ELOVL5: variants seen among roughly 807,000 people sequenced by gnomAD.
ELOVL5 encodes very long chain fatty acid elongase 5.
A neutral mutation model predicts 38.6 loss-of-function variants in ELOVL5; 8 were observed. The observed-to-expected ratio is 0.21, with a 90% CI of 0.12 to 0.37. The LOEUF (loss-of-function observed/expected upper bound fraction) is 0.37. Ranked by LOEUF, ELOVL5 falls within the 10% of genes least tolerant of loss-of-function variation. The pLI is 1.00. For missense variants in ELOVL5, 280 were observed against 367.8 expected, an observed-to-expected ratio of 0.76 and a Z score of 1.95; for synonymous variants, 127 against 133.7, an observed-to-expected ratio of 0.95 and a Z score of 0.34.
chr6:53,276,359 T>C (rs781385850), intron 3 of ELOVL5, 103 bp from the exon 4 acceptor site: 68 of 767,070 alleles, frequency 8.9e-5, no homozygotes, highest in Non-Finnish European at 1.3e-4. Flanking sequence ...CCTTGGGCTG[T>C]GCTGAGCCAA....
intron 6 of ELOVL5, 75 bp from the exon 7 acceptor site, chr6:53,270,802 C>T: frequency 1.3e-6 from 2 of 1,556,638 alleles, no homozygotes; most frequent in Non-Finnish European, 1.7e-6. Context: ...GACTTTTTAA[C>T]CAGCATCACC....
chr6:53,278,171 T>C (rs373552171), intron 3 of ELOVL5, among the ~76,000 whole-genome samples: 57 of 152,340 alleles, frequency 3.7e-4, no homozygotes, highest in African/African-American at 1.3e-3. Flanking sequence ...ATCACTGTTT[T>C]TTCCAGCGAC....
intron 1 of ELOVL5, among the ~76,000 whole-genome samples, chr6:53,320,944 G>A (rs1050636302): frequency 7.2e-5 from 11 of 152,046 alleles, no homozygotes; most frequent in African/African-American, 2.4e-4. Context: ...TTGCAGTAAG[G>A]TGGCCAGAAG....
intron 1 of ELOVL5, among the ~76,000 whole-genome samples, chr6:53,324,252 CAAAAAAAAAAAAAAAAA>C (rs59453946): frequency 9.1e-6 from 1 of 110,370 alleles, no homozygotes; most frequent in African/African-American, 3.4e-5. Flanking sequence ...GACTCTACCT[CAAAAAAAAAAAAAAAAA>C]AAAAAAGAAA....
At chr6:53,293,634 C>T (rs996904664) in intron 2 of ELOVL5, among the ~76,000 whole-genome samples, 2 of 152,056 alleles carry the variant, frequency 1.3e-5, no homozygotes, top group African/African-American at 2.4e-5. Flanking sequence ...TTTCTTTGAC[C>T]CCTCCCAGAC....
chr6:53,314,020 G>A (rs1767943220), intron 1 of ELOVL5, among the ~76,000 whole-genome samples: 1 of 152,198 alleles, frequency 6.6e-6, no homozygotes, highest in South Asian at 2.1e-4. Context: ...TATCCAGCAA[G>A]ATTAGATCTC....
Position 53,276,265 on chromosome 6 carries a change from G to A in ELOVL5, c.247-9C>T. 6.3e-7 allele frequency: 1 copy of A among 1,594,808 alleles called. No homozygotes were observed. Among genetic ancestry groups the A allele is most frequent in the South Asian group, 1.1e-5 (1 of 90,634 alleles). On this transcript the variant is annotated splice_polypyrimidine_tract_variant and intron_variant, in intron 3 of 7. Coordinates refer to ENST00000304434, the MANE Select transcript of ELOVL5 (RefSeq NM_021814.5). ...CATACTCCTGTTACTAACTAAAAAA[G>A]AAGAAAGAGCCAGTCACCAACAGCA...
At chr6:53,331,799 C>T (rs1040693356) in intron 1 of ELOVL5, among the ~76,000 whole-genome samples, 6 of 152,002 alleles carry the variant, frequency 3.9e-5, no homozygotes, top group African/African-American at 1.2e-4. Context: ...TGTATTAGTC[C>T]GTTTGGTGTT....
chr6:53,324,672 CAAAA>C (rs200304234), intron 1 of ELOVL5, among the ~76,000 whole-genome samples: 42,667 of 80,252 alleles, frequency 0.53, 9,112 homozygotes, highest in East Asian at 0.69. Flanking sequence ...GAGATCCTGT[CAAAA>C]AAAAAAAAAA....
At chr6:53,275,054 A>G in intron 5 of ELOVL5, 36 bp downstream of exon 5, 4 of 1,604,444 alleles carry the variant, frequency 2.5e-6, no homozygotes, top group Non-Finnish European at 3.4e-6. Context: ...CTCCCTGCTC[A>G]CACCTGTTCC....
chr6:53,311,967 G>T (rs9395855), intron 1 of ELOVL5, among the ~76,000 whole-genome samples: 86,601 of 151,826 alleles, frequency 0.57, 27,323 homozygotes, highest in African/African-American at 0.87. Flanking sequence ...CAAGCCTACT[G>T]CTAGCAATCT....
chr6:53,339,058 A>AT (rs1328833162), intron 1 of ELOVL5, among the ~76,000 whole-genome samples: 6 of 152,234 alleles, frequency 3.9e-5, no homozygotes, highest in Non-Finnish European at 8.8e-5. Context: ...ACACGCCCAC[A>AT]TTTTATAACT....
At chr6:53,313,341 T>A (rs1000050067) in intron 1 of ELOVL5, among the ~76,000 whole-genome samples, 4 of 151,940 alleles carry the variant, frequency 2.6e-5, no homozygotes, top group African/African-American at 9.7e-5. Context: ...TTCCTTTTAA[T>A]ACATGGTACA....
intron 1 of ELOVL5, among the ~76,000 whole-genome samples, chr6:53,341,806 T>G (rs1372507283): frequency 6.6e-6 from 1 of 152,212 alleles, no homozygotes; most frequent in African/African-American, 2.4e-5. Context: ...GAGAGACGTT[T>G]TTACTATGCT....
chr6:53,336,754 A>C (rs1769091855), intron 1 of ELOVL5, among the ~76,000 whole-genome samples: 1 of 152,246 alleles, frequency 6.6e-6, no homozygotes, highest in Non-Finnish European at 1.5e-5. Context: ...AGACTGGTCT[A>C]TCATTGGTAT....
chr6:53,323,588 T>A (rs951461304), intron 1 of ELOVL5, among the ~76,000 whole-genome samples: 1 of 142,114 alleles, frequency 7.0e-6, no homozygotes, highest in African/African-American at 2.6e-5. Context: ...TTTTTTTTTT[T>A]TTTTTTTTTT....
chr6:53,294,277 G>C, intron 2 of ELOVL5: 1 of 1,558,312 alleles, frequency 6.4e-7, no homozygotes, highest in South Asian at 1.2e-5. Flanking sequence ...CCCTCTGGTG[G>C]CTGGTTCAGG....
intron 2 of ELOVL5, among the ~76,000 whole-genome samples, chr6:53,293,172 G>A (rs1331567236): frequency 2.0e-5 from 3 of 152,038 alleles, no homozygotes; most frequent in Non-Finnish European, 4.4e-5. Flanking sequence ...GATGTTCCCC[G>A]AAAACCTGTG....
At chr6:53,313,240 G>A (rs139065436) in intron 1 of ELOVL5, among the ~76,000 whole-genome samples, 59 of 152,296 alleles carry the variant, frequency 3.9e-4, no homozygotes, top group African/African-American at 1.4e-3. Flanking sequence ...TACTGTAGAT[G>A]AGCAGGCACA....
Sources: gnomAD v4.1 joint callset for allele counts (sites outside exome capture counted in the v4.1 genomes callset) on GRCh38, gnomAD v4.1.1 for gene constraint, MANE v1.5 for transcripts, NCBI Gene and HGNC (gene_info 2026-07-23, HGNC 2026-07-21) for gene names.